SMIM33: variants seen among roughly 807,000 people sequenced by gnomAD.
The protein encoded by SMIM33 is small integral membrane protein 33.
rs1223843911 is a variant in SMIM33, at chr5:139,473,052, C to T, written c.*131C>T. 7.5e-6 allele frequency: 3 copies of T among 397,412 alleles called. No homozygotes were observed. The South Asian group carries it at 4.3e-4, about 57-fold the overall frequency. 24.6% of individuals were successfully genotyped at this position (397,412 alleles called of 1,614,324 possible). ...CACACTGGACTCAGCTGGAGCTGCTCTCTCAGAACATTTATAGAGAGAGCC... is the reference window on the plus strand; with the variant it reads ...CACACTGGACTCAGCTGGAGCTGCTTTCTCAGAACATTTATAGAGAGAGCC... On this transcript the variant is annotated 3_prime_UTR_variant, in exon 2 of 2. Transcript: ENST00000637503.
Position 139,472,846 on chromosome 5 carries a change from G to C in SMIM33, c.324G>C (p.Pro108=), listed in dbSNP as rs996294057. 1.5e-5 allele frequency: 6 copies of C among 400,678 alleles called. No individual in the cohort carries two copies. The highest frequency in any genetic ancestry group is 6.2e-4 in the Middle Eastern group (2 of 3,234). The allele number at this position is 400,678 out of a possible 1,614,324, so 24.8% of individuals were successfully genotyped here. The change falls in exon 2 of 2, where the codon CCG becomes CCC. Residue 108 remains proline (P), a synonymous_variant. Coordinates refer to ENST00000637503, the MANE Select transcript of SMIM33 (RefSeq NM_001365197.1). ...GPQDSPEEAP[P]GPLVPGSCPA... ...AAGACAGTCCTGAAGAAGCACCACC[G>C]GGCCCTCTTGTCCCTGGCTCCTGCC...
chr5:139,473,259 T>A lies in SMIM33; in HGVS notation c.*338T>A. ...TTGCACGCTTAATCTCCTTCCTTTG[T>A]AATGTGAATCCAACTCCCCACAAGC... On this transcript the variant is annotated 3_prime_UTR_variant, in exon 2 of 2. Transcript: ENST00000637503. The A allele has an allele frequency of 5.2e-6, 1 of 191,646 alleles. No homozygotes were observed. The highest frequency in any genetic ancestry group is 1.1e-5 in the Non-Finnish European group (1 of 94,728). 11.9% of individuals were successfully genotyped at this position (191,646 alleles called of 1,614,324 possible). A position where few individuals can be genotyped will look rare whatever the true frequency, so the allele number is the denominator to read the frequency against.
At chr5:139,472,474 G>C (rs1436698077) in intron 1 of SMIM33, 58 bp from the exon 2 acceptor site, 1 of 399,944 alleles carries the variant, frequency 2.5e-6, no homozygotes, top group Admixed American at 4.4e-5. Context: ...TTCTATTTTG[G>C]TCTTTTTCTG....
At chr5:139,471,948 G>A (rs1751542396) in intron 1 of SMIM33, among the ~76,000 whole-genome samples, 1 of 152,130 alleles carries the variant, frequency 6.6e-6, no homozygotes, top group Admixed American at 6.5e-5. Flanking sequence ...GCTGGACAAG[G>A]ACCCCCTTTC....
At position 139,472,559 on chromosome 5, in the gene SMIM33, G is replaced by T. The variant is rs1038224751; in HGVS notation, c.37G>T (p.Ala13Ser). ...TGGCCACTACTCCTGGCCTTCTCCAGCTGTGAACAGTTCATCAGAGCAGGA... is the reference window on the plus strand; with the variant it reads ...TGGCCACTACTCCTGGCCTTCTCCATCTGTGAACAGTTCATCAGAGCAGGA... The part of the protein sequence containing the change: ...QAGHYSWPSP[A>S]VNSSSEQEPQ... The change falls in exon 2 of 2, where the codon GCT becomes TCT. Residue 13 changes from alanine (A) to serine (S), a missense_variant. Ala to Ser is a moderately conservative substitution (Grantham distance 99). Transcript: ENST00000637503. 1.5e-5 allele frequency: 6 copies of T among 400,828 alleles called. No individual in the cohort carries two copies. Among genetic ancestry groups the T allele is most frequent in the Non-Finnish European group, 2.7e-5 (6 of 226,398 alleles). The allele number at this position is 400,828 out of a possible 1,614,324, so 24.8% of individuals were successfully genotyped here. A position where few individuals can be genotyped will look rare whatever the true frequency, so the allele number is the denominator to read the frequency against.
At chr5:139,471,351 G>A (rs1751532643) in intron 1 of SMIM33, among the ~76,000 whole-genome samples, 1 of 152,148 alleles carries the variant, frequency 6.6e-6, no homozygotes, top group Non-Finnish European at 1.5e-5. Context: ...GGGATAGTGT[G>A]GACAAGGGGA....
rs185661385 is a variant in SMIM33 at position 139,473,155 on chromosome 5, G to C, written c.*234G>C. 2.1e-5 allele frequency: 8 copies of C among 375,288 alleles called. No individual in the cohort carries two copies. Among genetic ancestry groups the C allele is most frequent in the Non-Finnish European group, 3.3e-5 (7 of 211,896 alleles). 23.2% of individuals were successfully genotyped at this position (375,288 alleles called of 1,614,324 possible). A position where few individuals can be genotyped will look rare whatever the true frequency, so the allele number is the denominator to read the frequency against. On this transcript the variant is annotated 3_prime_UTR_variant, in exon 2 of 2. Coordinates refer to ENST00000637503, the MANE Select transcript of SMIM33 (RefSeq NM_001365197.1). The stretch of plus-strand genomic sequence containing the variant: ...GCGGGGGGCCTTCCCAGGGCCCAAG[G>C]CCACCTCACAAAGTCCCTCCCTCCT...
intron 1 of SMIM33, among the ~76,000 whole-genome samples, 189 bp downstream of exon 1, chr5:139,471,319 C>T (rs892884433): frequency 2.6e-5 from 4 of 152,218 alleles, no homozygotes; most frequent in African/African-American, 7.2e-5. Context: ...TGCCTTTCCA[C>T]GAAGGGATGC....
At chr5:139,471,278 C>G in intron 1 of SMIM33, 148 bp downstream of exon 1, 1 of 398,680 alleles carries the variant, frequency 2.5e-6, no homozygotes, top group Non-Finnish European at 4.4e-6. Context: ...GCCTGGGACC[C>G]AGAGACACTT....
rs1751563935 is a variant in SMIM33 at position 139,473,120 on chromosome 5, G to A, written c.*199G>A. 5.1e-6 allele frequency: 2 copies of A among 391,612 alleles called. No individual in the cohort carries two copies. Among genetic ancestry groups the A allele is most frequent in the African/African-American group, 4.1e-5 (2 of 48,514 alleles). The allele number at this position is 391,612 out of a possible 1,614,324, so 24.3% of individuals were successfully genotyped here. Reference sequence around the variant, plus strand: ...AATCAAAACTTGAGGGCCCTGCCCAGAAACATGCTGCGGGGGGCCTTCCCA... The same window carrying A: ...AATCAAAACTTGAGGGCCCTGCCCAAAAACATGCTGCGGGGGGCCTTCCCA... On this transcript the variant is annotated 3_prime_UTR_variant, in exon 2 of 2. Transcript: ENST00000637503.
In SMIM33 at chr5:139,473,111, C is replaced by A. The variant is rs1751563721; in HGVS notation, c.*190C>A. ...GGCAAGAGAAATCAAAACTTGAGGG[C>A]CCTGCCCAGAAACATGCTGCGGGGG... is the stretch of plus-strand genomic sequence containing the variant. On this transcript the variant is annotated 3_prime_UTR_variant, in exon 2 of 2. Coordinates refer to ENST00000637503, the MANE Select transcript of SMIM33 (RefSeq NM_001365197.1). 2.5e-6 allele frequency: 1 copy of A among 393,520 alleles called. No homozygotes were observed. Among genetic ancestry groups the A allele is most frequent in the Non-Finnish European group, 4.5e-6 (1 of 223,398 alleles). 24.4% of individuals were successfully genotyped at this position (393,520 alleles called of 1,614,324 possible). A position where few individuals can be genotyped will look rare whatever the true frequency, so the allele number is the denominator to read the frequency against.
At position 139,473,103 on chromosome 5, in the gene SMIM33, CTT is replaced by C; in HGVS notation, c.*183_*184del. On this transcript the variant is annotated 3_prime_UTR_variant, in exon 2 of 2. Coordinates refer to ENST00000637503, the MANE Select transcript of SMIM33 (RefSeq NM_001365197.1). ...CTGTGGTGGGCAAGAGAAATCAAAA[CTT>C]GAGGGCCCTGCCCAGAAACATGCTG... is the stretch of plus-strand genomic sequence containing the variant. The C allele has an allele frequency of 5.1e-6, 2 of 394,736 alleles. No homozygotes were observed. Among genetic ancestry groups the C allele is most frequent in the Non-Finnish European group, 8.9e-6 (2 of 224,202 alleles). The allele number at this position is 394,736 out of a possible 1,614,324, so 24.5% of individuals were successfully genotyped here.
chr5:139,471,670 C>G (rs578126130), intron 1 of SMIM33, among the ~76,000 whole-genome samples: 1 of 152,246 alleles, frequency 6.6e-6, no homozygotes, highest in Non-Finnish European at 1.5e-5. Context: ...TAGAAGAACA[C>G]TGGGACTTGG....
At position 139,471,116 on chromosome 5, in the gene SMIM33, C is replaced by T. The variant is rs561704587; in HGVS notation, c.-6C>T. On this transcript the variant is annotated 5_prime_UTR_variant, in exon 1 of 2. Coordinates refer to ENST00000637503, the MANE Select transcript of SMIM33 (RefSeq NM_001365197.1). ...GTCCCAAGGGAGCCCTGTGTCGGCC[C>T]GGACAATGCACCAGGTAGACTCTGC... 25 of 398,608 alleles carry T rather than the reference C, an allele frequency of 6.3e-5. No homozygotes were observed. In the East Asian group the frequency reaches 7.5e-4, roughly 12 times the overall value. 24.7% of individuals were successfully genotyped at this position (398,608 alleles called of 1,614,324 possible). A position where few individuals can be genotyped will look rare whatever the true frequency, so the allele number is the denominator to read the frequency against.
At position 139,472,540 on chromosome 5, in the gene SMIM33, C is replaced by T. The variant is rs1046322655; in HGVS notation, c.18C>T (p.His6=). The T allele has an allele frequency of 2.5e-6, 1 of 401,162 alleles. No homozygotes were observed. The highest frequency in any genetic ancestry group is 4.4e-6 in the Non-Finnish European group (1 of 226,548). 24.9% of individuals were successfully genotyped at this position (401,162 alleles called of 1,614,324 possible). ...TGCCACTCTCCTCCCAGGCTGGCCA[C>T]TACTCCTGGCCTTCTCCAGCTGTGA... The part of the protein sequence containing the change: MHQAG[H]YSWPSPAVNS... The change falls in exon 2 of 2, where the codon CAC becomes CAT. Residue 6 remains histidine, a synonymous_variant. Transcript: ENST00000637503.
Position 139,473,026 on chromosome 5 carries a change from G to T in SMIM33, c.*105G>T. On this transcript the variant is annotated 3_prime_UTR_variant, in exon 2 of 2. Transcript: ENST00000637503. ...GCCTGGGCATCAGAGCGTCGGAAGG[G>T]CACACTGGACTCAGCTGGAGCTGCT... 2.5e-6 allele frequency: 1 copy of T among 397,780 alleles called. No individual in the cohort carries two copies. Among genetic ancestry groups the T allele is most frequent in the African/African-American group, 2.1e-5 (1 of 48,750 alleles). The allele number at this position is 397,780 out of a possible 1,614,324, so 24.6% of individuals were successfully genotyped here.
At chr5:139,472,324 G>A (rs764284290) in intron 1 of SMIM33, among the ~76,000 whole-genome samples, 7 of 148,850 alleles carry the variant, frequency 4.7e-5, no homozygotes, top group African/African-American at 1.2e-4. Flanking sequence ...TTCTTTGATC[G>A]TCTCTGCTGC....
chr5:139,471,731 G>T (rs1389482443), intron 1 of SMIM33, among the ~76,000 whole-genome samples: 1 of 152,134 alleles, frequency 6.6e-6, no homozygotes, highest in Admixed American at 6.5e-5. Context: ...GGCAGAGCCA[G>T]GAGTCCACAC....
At chr5:139,472,398 T>G (rs1465687340) in intron 1 of SMIM33, 134 bp from the exon 2 acceptor site, 1 of 397,434 alleles carries the variant, frequency 2.5e-6, no homozygotes, top group East Asian at 3.6e-5. Context: ...TTTGTCTTTC[T>G]GTCTTTGTCT....
Sources: allele counts gnomAD v4.1 joint callset (sites outside exome capture counted in the v4.1 genomes callset), GRCh38; gene constraint gnomAD v4.1.1; transcripts MANE v1.5; gene names NCBI Gene and HGNC (gene_info 2026-07-23, HGNC 2026-07-21).